CREB5: variants seen among roughly 807,000 people sequenced by gnomAD.
CREB5 encodes cAMP responsive element binding protein 5.
A neutral mutation model predicts 57.1 loss-of-function variants in CREB5; 19 were observed. The observed-to-expected ratio is 0.33, with a 90% CI of 0.23 to 0.49. The LOEUF (loss-of-function observed/expected upper bound fraction) is 0.49. Among genes scored for constraint, CREB5 ranks in the 20% least tolerant of loss-of-function variants. The pLI, the probability that CREB5 is intolerant of heterozygous loss-of-function variation, is 0.99. For missense variants in CREB5, 579 were observed against 671.6 expected (o/e 0.86, Z 1.52); for synonymous variants, 238 against 238.3 (o/e 1.00, Z 0.01).
chr7:28,599,009 T>C (rs563456979), intron 5 of CREB5, among the ~76,000 whole-genome samples: 99 of 152,268 alleles, frequency 6.5e-4, no homozygotes, highest in Non-Finnish European at 1.3e-3. Context: ...TCTCATCCTG[T>C]TTTGCTGGCT....
chr7:28,590,705 A>G (rs1562816311), intron 5 of CREB5, among the ~76,000 whole-genome samples: 1 of 144,026 alleles, frequency 6.9e-6, no homozygotes, highest in African/African-American at 2.6e-5. Context: ...TAATAATAAT[A>G]ATAAAAACCC....
intron 7 of CREB5, among the ~76,000 whole-genome samples, chr7:28,790,381 G>A (rs555696074): frequency 1.3e-5 from 2 of 149,858 alleles, no homozygotes; most frequent in East Asian, 4.0e-4. Flanking sequence ...TAGTGAATGG[G>A]CTTTGGAACG....
At chr7:28,720,819 A>G (rs1333511881) in intron 6 of CREB5, among the ~76,000 whole-genome samples, 3 of 152,290 alleles carry the variant, frequency 2.0e-5, no homozygotes, top group Admixed American at 2.0e-4. Context: ...AGTTGTTCCC[A>G]TCCAAAAATT....
At chr7:28,499,141 C>T (rs56271133) in intron 3 of CREB5, among the ~76,000 whole-genome samples, 13,559 of 144,608 alleles carry the variant, frequency 0.094, 974 homozygotes, top group East Asian at 0.35. Context: ...TATCCCCACC[C>T]TGAGTTCTTT....
intron 1 of CREB5, among the ~76,000 whole-genome samples, chr7:28,462,376 C>T (rs140759643): frequency 1.3e-5 from 2 of 152,188 alleles, no homozygotes; most frequent in Non-Finnish European, 2.9e-5. Flanking sequence ...CCATGAACAT[C>T]GATGTATGAG....
chr7:28,624,649 G>A (rs1361814511), intron 5 of CREB5, among the ~76,000 whole-genome samples: 7 of 129,744 alleles, frequency 5.4e-5, no homozygotes, highest in African/African-American at 1.8e-4. Flanking sequence ...ATTGTACTTC[G>A]TTTTTCCTTG....
chr7:28,504,989 T>C (rs1279963782), intron 3 of CREB5, among the ~76,000 whole-genome samples: 1 of 152,210 alleles, frequency 6.6e-6, no homozygotes, highest in Non-Finnish European at 1.5e-5. Context: ...TTGCTGAGAC[T>C]ACTTGTGGAT....
intron 5 of CREB5, among the ~76,000 whole-genome samples, chr7:28,681,433 G>A (rs1038527609): frequency 5.3e-5 from 8 of 151,968 alleles, no homozygotes; most frequent in Admixed American, 1.3e-4. Context: ...GCAGTGGTGC[G>A]ATCATGCCTC....
intron 7 of CREB5, among the ~76,000 whole-genome samples, chr7:28,803,208 A>T (rs1339017067): frequency 6.6e-6 from 1 of 152,168 alleles, no homozygotes; most frequent in African/African-American, 2.4e-5. Context: ...ATATTCTTCT[A>T]TTTTCCTCAC....
chr7:28,712,799 G>C (rs1212434225), intron 5 of CREB5, among the ~76,000 whole-genome samples: 1 of 151,928 alleles, frequency 6.6e-6, no homozygotes, highest in Non-Finnish European at 1.5e-5. Context: ...CTCCCAAAGT[G>C]CTGGGATTAT....
chr7:28,681,837 A>G (rs1328647713), intron 5 of CREB5, among the ~76,000 whole-genome samples: 1 of 152,216 alleles, frequency 6.6e-6, no homozygotes, highest in East Asian at 1.9e-4. Context: ...CAAATATTCC[A>G]GGAGTGTCAA....
intron 1 of CREB5, among the ~76,000 whole-genome samples, chr7:28,388,816 A>G (rs921937180): frequency 3.9e-5 from 6 of 152,246 alleles, no homozygotes; most frequent in Non-Finnish European, 8.8e-5. Context: ...GGTATCTCTG[A>G]AATCAGTAGT....
At chr7:28,688,561 C>T (rs1205338521) in intron 5 of CREB5, among the ~76,000 whole-genome samples, 3 of 152,168 alleles carry the variant, frequency 2.0e-5, no homozygotes, top group African/African-American at 7.2e-5. Context: ...ACCGTATGTG[C>T]TTGTTAGATA....
At chr7:28,645,386 C>T (rs947327346) in intron 5 of CREB5, among the ~76,000 whole-genome samples, 8 of 152,114 alleles carry the variant, frequency 5.3e-5, no homozygotes, top group Admixed American at 6.6e-5. Flanking sequence ...AAAAACCTGA[C>T]GAAGTGGCTG....
rs776893271 is a variant in CREB5 at position 28,583,968 on chromosome 7, G to A, written c.464+13431G>A. Among the ~76,000 whole-genome samples, 14 of 152,214 alleles carry A rather than the reference G, an allele frequency of 9.2e-5. No homozygotes were observed. In the South Asian group the frequency reaches 1.2e-3, roughly 14 times the overall value. On this transcript the variant is annotated intron_variant, in intron 5 of 10. Transcript: ENST00000357727. ...GCTGGGATTACAGGAGTGAGCCACC[G>A]CGCTGGGCACAGCCTCCACCTTCAA...
intron 1 of CREB5, among the ~76,000 whole-genome samples, chr7:28,417,563 C>T (rs776817080): frequency 6.6e-6 from 1 of 152,192 alleles, no homozygotes; most frequent in Non-Finnish European, 1.5e-5. Context: ...CACTGATACC[C>T]TTCCACTCTG....
intron 1 of CREB5, among the ~76,000 whole-genome samples, chr7:28,318,425 C>T (rs1361177306): frequency 6.6e-6 from 1 of 152,204 alleles, no homozygotes; most frequent in Admixed American, 6.5e-5. Flanking sequence ...TAAAAGTATA[C>T]AAAATTATTT....
chr7:28,780,112 T>G (rs1486217706), intron 7 of CREB5, among the ~76,000 whole-genome samples: 2 of 152,280 alleles, frequency 1.3e-5, no homozygotes, highest in East Asian at 1.9e-4. Flanking sequence ...GTCAGTTCCT[T>G]GAGAGTAGGA....
At chr7:28,613,679 A>T (rs952441004) in intron 5 of CREB5, among the ~76,000 whole-genome samples, 1 of 152,194 alleles carries the variant, frequency 6.6e-6, no homozygotes, top group Admixed American at 6.5e-5. Context: ...TTGATATTTC[A>T]TGATATTTGG....
Sources: allele counts gnomAD v4.1 joint callset (sites outside exome capture counted in the v4.1 genomes callset), GRCh38; gene constraint gnomAD v4.1.1; transcripts MANE v1.5; gene names NCBI Gene and HGNC (gene_info 2026-07-23, HGNC 2026-07-21).